The following PTPRG variants were observed in gnomAD, a reference collection of about 807,000 sequenced individuals.
PTPRG encodes the protein protein tyrosine phosphatase receptor type G.
Under a neutral mutation model 165.3 loss-of-function variants are expected in PTPRG, and 102 were observed. The ratio of observed to expected loss-of-function variants is 0.62; its 90% CI spans 0.53 to 0.73. The LOEUF is 0.73. Among genes scored for constraint, PTPRG ranks in the 30% least tolerant of loss-of-function variants. PTPRG has a pLI of 0.00. For synonymous variants in PTPRG, 675 were observed against 669.5 expected, an observed-to-expected ratio of 1.01 and a Z score of -0.13; for missense variants, 1,866 against 1,861.4, an observed-to-expected ratio of 1.00 and a Z score of -0.05.
At chr3:62,159,724 G>A (rs183639208) in intron 7 of PTPRG, among the ~76,000 whole-genome samples, 4 of 152,308 alleles carry the variant, frequency 2.6e-5, no homozygotes, top group African/African-American at 7.2e-5. Context: ...AAAGAAATCA[G>A]TCATATTTGC....
At chr3:61,915,458 C>A (rs1165209352) in intron 2 of PTPRG, among the ~76,000 whole-genome samples, 1 of 152,132 alleles carries the variant, frequency 6.6e-6, no homozygotes, top group African/African-American at 2.4e-5. Context: ...GAGCTGAAAT[C>A]TGATTAATGT....
intron 2 of PTPRG, among the ~76,000 whole-genome samples, chr3:61,832,110 G>T (rs1327547985): frequency 6.6e-6 from 1 of 152,134 alleles, no homozygotes; most frequent in Non-Finnish European, 1.5e-5. Flanking sequence ...TAATCATGTT[G>T]TTCAGCCTAA....
At chr3:61,927,575 G>C (rs73842144) in intron 2 of PTPRG, among the ~76,000 whole-genome samples, 1 of 152,248 alleles carries the variant, frequency 6.6e-6, no homozygotes, top group Admixed American at 6.5e-5. Context: ...TGCTGGCTGA[G>C]TTTTGAGAAG....
intron 2 of PTPRG, among the ~76,000 whole-genome samples, chr3:61,925,205 T>G (rs2039177804): frequency 6.6e-6 from 1 of 152,254 alleles, no homozygotes; most frequent in Non-Finnish European, 1.5e-5. Flanking sequence ...TAAAAACAGA[T>G]GGCAGTCTGC....
chr3:62,194,101 TCATGGAATCTCTGG>T (rs1699902887), intron 9 of PTPRG, among the ~76,000 whole-genome samples: 1 of 152,200 alleles, frequency 6.6e-6, no homozygotes, highest in South Asian at 2.1e-4. Flanking sequence ...GCTTTACAGG[TCATGGAATCTCTGG>T]CATAACTACT....
At chr3:61,639,872 A>G (rs967035030) in intron 1 of PTPRG, among the ~76,000 whole-genome samples, 6 of 152,084 alleles carry the variant, frequency 3.9e-5, no homozygotes, top group African/African-American at 9.7e-5. Context: ...TTCTTTTCCT[A>G]TTTGGATGCC....
In PTPRG at chr3:61,600,190, A is replaced by ATG. The variant is rs1293051250; in HGVS notation, c.85+37819_85+37820insGT. 3.1e-4 allele frequency among the ~76,000 whole-genome samples: 37 copies of ATG among 118,624 alleles called. 1 individual carries two copies. Among genetic ancestry groups the ATG allele is most frequent in the Admixed American group, 2.1e-3 (24 of 11,536 alleles). The allele number at this position is 118,624 out of a possible 152,430, so 77.8% of individuals were successfully genotyped here. A position where few individuals can be genotyped will look rare whatever the true frequency, so the allele number is the denominator to read the frequency against. On this transcript the variant is annotated intron_variant, in intron 1 of 29. Coordinates refer to ENST00000474889, the MANE Select transcript of PTPRG (RefSeq NM_002841.4). Reference sequence around the variant, plus strand: ...AAAAAAAAAATATATATATATATATATATGTGTGTGTGTGTGTGTGTGTGT... The same window carrying ATG: ...AAAAAAAAAATATATATATATATATATGTATGTGTGTGTGTGTGTGTGTGTGT...
At chr3:62,093,038 C>T (rs1322353510) in intron 5 of PTPRG, among the ~76,000 whole-genome samples, 1 of 152,198 alleles carries the variant, frequency 6.6e-6, no homozygotes, top group Non-Finnish European at 1.5e-5. Flanking sequence ...ACTGAGCAAG[C>T]TTTAAATAAT....
chr3:62,099,974 T>G (rs9861929), intron 5 of PTPRG, among the ~76,000 whole-genome samples: 7,023 of 151,886 alleles, frequency 0.046, 550 homozygotes, highest in African/African-American at 0.16. Context: ...AATTTTTGTA[T>G]TTTTAGTAGA....
intron 1 of PTPRG, among the ~76,000 whole-genome samples, chr3:61,727,141 G>A (rs2032298657): frequency 6.6e-6 from 1 of 152,102 alleles, no homozygotes; most frequent in Admixed American, 6.5e-5. Context: ...ATGCAGGAGG[G>A]GAGAGGAATA....
Position 61,598,093 on chromosome 3 carries a change from G to T in PTPRG, c.85+35721G>T, listed in dbSNP as rs374356839. ...AACTCGGCTACCTCTGTTCAGGGTT[G>T]ACCGGTCTCAGTGGTAACAAGCTAA... On this transcript the variant is annotated intron_variant, in intron 1 of 29. Transcript: ENST00000474889. Among the ~76,000 whole-genome samples the T allele has an allele frequency of 5.9e-5, 9 of 152,310 alleles. No homozygotes were observed. In the South Asian group the frequency reaches 1.5e-3, roughly 25 times the overall value.
At chr3:61,986,304 C>G (rs1410746863) in intron 2 of PTPRG, among the ~76,000 whole-genome samples, 1 of 152,058 alleles carries the variant, frequency 6.6e-6, no homozygotes, top group Non-Finnish European at 1.5e-5. Context: ...ACAGAAGGAA[C>G]CAGTTCTCAG....
At chr3:61,760,084 A>G (rs2033782829) in intron 2 of PTPRG, among the ~76,000 whole-genome samples, 2 of 152,194 alleles carry the variant, frequency 1.3e-5, no homozygotes, top group South Asian at 4.1e-4. Flanking sequence ...TTATCTAAGC[A>G]GTAGTACAGC....
chr3:61,818,737 T>C (rs1029151577), intron 2 of PTPRG, among the ~76,000 whole-genome samples: 3 of 151,934 alleles, frequency 2.0e-5, no homozygotes, highest in Non-Finnish European at 4.4e-5. Flanking sequence ...ATATGTGTGA[T>C]AGGAGTCCTG....
chr3:61,860,891 C>T (rs1040088366), intron 2 of PTPRG, among the ~76,000 whole-genome samples: 8 of 152,052 alleles, frequency 5.3e-5, no homozygotes, highest in African/African-American at 1.2e-4. Flanking sequence ...TTCATGTATC[C>T]GTCACCACAG....
At chr3:62,012,357 G>A (rs993062152) in intron 4 of PTPRG, among the ~76,000 whole-genome samples, 4 of 152,174 alleles carry the variant, frequency 2.6e-5, no homozygotes, top group African/African-American at 9.7e-5. Context: ...GTTGTTTTCA[G>A]AACCGCTGAT....
chr3:61,887,127 T>TATATATATATATATATAC (rs2038063774), intron 2 of PTPRG, among the ~76,000 whole-genome samples: 2 of 11,048 alleles, frequency 1.8e-4, no homozygotes, highest in Admixed American at 1.8e-3. Context: ...AGCATGCATA[T>TATATATATATATATATAC]ATATATATAT....
rs528765972 is a variant in PTPRG at position 61,683,475 on chromosome 3, C to G, written c.86-65403C>G. Reference sequence around the variant, plus strand: ...GGAAATAGGTGGTTCCCATACTATTCAGTTAACCAAGCAGCCAAATCCCTC... The same window carrying G: ...GGAAATAGGTGGTTCCCATACTATTGAGTTAACCAAGCAGCCAAATCCCTC... On this transcript the variant is annotated intron_variant, in intron 1 of 29. Coordinates refer to ENST00000474889, the MANE Select transcript of PTPRG (RefSeq NM_002841.4). Among the ~76,000 whole-genome samples, 3 of 152,254 alleles carry G rather than the reference C, an allele frequency of 2.0e-5. No individual in the cohort carries two copies. The East Asian group carries it at 5.8e-4, about 29-fold the overall frequency.
At chr3:61,782,251 A>T (rs539339178) in intron 2 of PTPRG, among the ~76,000 whole-genome samples, 3 of 152,318 alleles carry the variant, frequency 2.0e-5, no homozygotes, top group Admixed American at 6.5e-5. Flanking sequence ...TTGCTTAAAG[A>T]TGAGCTTACT....
Sources: allele counts gnomAD v4.1 joint callset (sites outside exome capture counted in the v4.1 genomes callset), GRCh38; gene constraint gnomAD v4.1.1; transcripts MANE v1.5; gene names NCBI Gene and HGNC (gene_info 2026-07-23, HGNC 2026-07-21).